Variants in CTNNA3 observed in about 807,000 individuals in gnomAD.
The protein encoded by CTNNA3 is catenin alpha 3, also known as catenin alpha-3.
A neutral mutation model predicts 95.7 loss-of-function variants in CTNNA3; 76 were observed. That is an observed-to-expected ratio of 0.79 (90% CI 0.66 to 0.96). CTNNA3 has a LOEUF of 0.96. CTNNA3 is among the 40% of genes least tolerant of loss of function. The pLI, the probability that CTNNA3 is intolerant of heterozygous loss-of-function variation, is 0.00. For synonymous variants in CTNNA3, 431 were observed against 374.4 expected (o/e 1.15, Z -1.74); for missense variants, 1,191 against 1,089.8 (o/e 1.09, Z -1.31).
chr10:67,442,044 G>A (rs1846537603), intron 5 of CTNNA3, among the ~76,000 whole-genome samples: 3 of 152,110 alleles, frequency 2.0e-5, no homozygotes, highest in African/African-American at 4.8e-5. Flanking sequence ...TAAGACCTAA[G>A]AGAAACAACC....
intron 10 of CTNNA3, among the ~76,000 whole-genome samples, chr10:66,609,354 C>T (rs1041877400): frequency 6.8e-6 from 1 of 148,024 alleles, no homozygotes; most frequent in South Asian, 2.2e-4. Flanking sequence ...TCAGCCATCG[C>T]ACCCAGCCAA....
At position 67,239,976 on chromosome 10, in the gene CTNNA3, T is replaced by C. The variant is rs1299034759; in HGVS notation, c.580-20106A>G. ...TCACAGCAACTGATTCCATGAACCG[T>C]TGGACAAACCTGCATTTCTGAGAAT... On this transcript the variant is annotated intron_variant, in intron 5 of 17. Transcript: ENST00000433211. Among the ~76,000 whole-genome samples the C allele has an allele frequency of 3.9e-5, 6 of 152,294 alleles. No homozygotes were observed. The East Asian group carries it at 7.7e-4, about 20-fold the overall frequency.
At chr10:67,584,748 T>A (rs1197145180) in intron 3 of CTNNA3, among the ~76,000 whole-genome samples, 1 of 152,226 alleles carries the variant, frequency 6.6e-6, no homozygotes, top group Non-Finnish European at 1.5e-5. Context: ...TTTGTTTACC[T>A]ATTCAAGCCT....
At chr10:67,274,585 T>C (rs543997970) in intron 5 of CTNNA3, among the ~76,000 whole-genome samples, 2 of 152,222 alleles carry the variant, frequency 1.3e-5, no homozygotes, top group Admixed American at 6.5e-5. Flanking sequence ...CATAGCACTT[T>C]AGGAGGCTGA....
intron 12 of CTNNA3, among the ~76,000 whole-genome samples, chr10:66,365,757 GCT>G (rs71035132): frequency 5.2e-4 from 59 of 112,814 alleles, no homozygotes; most frequent in East Asian, 1.7e-3. Context: ...TGCATCTTAG[GCT>G]CTCTCTCTCT....
intron 11 of CTNNA3, among the ~76,000 whole-genome samples, chr10:66,488,144 C>A (rs1004210879): frequency 6.6e-6 from 1 of 152,182 alleles, no homozygotes; most frequent in East Asian, 1.9e-4. Flanking sequence ...CTTATACAAT[C>A]TTTCTATAAA....
chr10:67,402,381 C>T (rs1417479675), intron 5 of CTNNA3, among the ~76,000 whole-genome samples: 1 of 152,078 alleles, frequency 6.6e-6, no homozygotes, highest in Non-Finnish European at 1.5e-5. Context: ...TTAACACAGT[C>T]AGACAAAAAT....
chr10:66,738,714 T>C (rs912939499), intron 9 of CTNNA3, among the ~76,000 whole-genome samples: 3 of 152,042 alleles, frequency 2.0e-5, no homozygotes, highest in African/African-American at 7.3e-5. Flanking sequence ...CCTGTGTACA[T>C]CCAGATATTC....
At chr10:67,446,965 C>A (rs111609481) in intron 5 of CTNNA3, among the ~76,000 whole-genome samples, 3,872 of 152,098 alleles carry the variant, frequency 0.025, 85 homozygotes, top group South Asian at 0.064. Flanking sequence ...ATTAGCCGGG[C>A]GTGGTGGCGG....
intron 15 of CTNNA3, among the ~76,000 whole-genome samples, chr10:66,039,350 C>G (rs991871853): frequency 6.6e-6 from 1 of 152,182 alleles, no homozygotes; most frequent in South Asian, 2.1e-4. Context: ...TCCTATCAAA[C>G]TACCAAGGAT....
chr10:66,638,998 A>T (rs138906971), intron 9 of CTNNA3, among the ~76,000 whole-genome samples: 11 of 152,278 alleles, frequency 7.2e-5, no homozygotes, highest in African/African-American at 2.6e-4. Flanking sequence ...AGAAATAAAA[A>T]TATATTTCTC....
chr10:66,817,946 A>C (rs1842152704), intron 7 of CTNNA3, among the ~76,000 whole-genome samples: 1 of 152,088 alleles, frequency 6.6e-6, no homozygotes, highest in African/African-American at 2.4e-5. Flanking sequence ...TACTATGACC[A>C]AGTGGGATTT....
At chr10:66,972,582 A>T (rs1278440784) in intron 7 of CTNNA3, among the ~76,000 whole-genome samples, 2 of 152,004 alleles carry the variant, frequency 1.3e-5, no homozygotes, top group Non-Finnish European at 2.9e-5. Flanking sequence ...TTGTTTTATT[A>T]CTTCAGTTGA....
intron 1 of CTNNA3, among the ~76,000 whole-genome samples, chr10:67,719,962 T>C (rs1207300882): frequency 6.6e-6 from 1 of 151,848 alleles, no homozygotes; most frequent in Non-Finnish European, 1.5e-5. Context: ...TCTAAGAACT[T>C]GCTTTATGAA....
intron 17 of CTNNA3, among the ~76,000 whole-genome samples, chr10:65,926,982 T>A (rs1049622749): frequency 3.3e-5 from 5 of 152,180 alleles, no homozygotes; most frequent in African/African-American, 7.2e-5. Flanking sequence ...CTATAGTCTT[T>A]TAGATTTTCT....
intron 4 of CTNNA3, among the ~76,000 whole-genome samples, chr10:67,530,325 G>C (rs1408129873): frequency 6.6e-6 from 1 of 152,222 alleles, no homozygotes; most frequent in Non-Finnish European, 1.5e-5. Context: ...CTAGAGACTT[G>C]TTGAATGGCT....
chr10:67,623,569 G>A (rs1289573177), intron 2 of CTNNA3, among the ~76,000 whole-genome samples: 1 of 152,154 alleles, frequency 6.6e-6, no homozygotes. Context: ...GACTGGCCTT[G>A]ACTCTAGTAA....
chr10:66,490,083 A>G (rs1839871438), intron 11 of CTNNA3, among the ~76,000 whole-genome samples: 1 of 152,176 alleles, frequency 6.6e-6, no homozygotes, highest in African/African-American at 2.4e-5. Context: ...TAACACATTT[A>G]TATGGATAAA....
At chr10:66,906,987 C>T (rs1421668400) in intron 7 of CTNNA3, among the ~76,000 whole-genome samples, 1 of 151,918 alleles carries the variant, frequency 6.6e-6, no homozygotes, top group Admixed American at 6.6e-5. Flanking sequence ...TAACATAATG[C>T]TAAACAATAA....
Sources: allele counts gnomAD v4.1 joint callset (sites outside exome capture counted in the v4.1 genomes callset), GRCh38; gene constraint gnomAD v4.1.1; transcripts MANE v1.5; gene names NCBI Gene and HGNC (gene_info 2026-07-23, HGNC 2026-07-21).